The following BICD1 variants were observed in gnomAD, a reference collection of about 807,000 sequenced individuals.
BICD1 encodes the protein BICD cargo adaptor 1.
A neutral mutation model predicts 92.5 loss-of-function variants in BICD1; 35 were observed. The ratio of observed to expected loss-of-function variants is 0.38; its 90% confidence interval spans 0.29 to 0.50. The LOEUF (loss-of-function observed/expected upper bound fraction) is 0.50, where lower values mean the gene tolerates loss of function less well. Ranked by LOEUF, BICD1 falls within the 20% of genes least tolerant of loss-of-function variation. BICD1 has a pLI of 0.93. For missense variants in BICD1, 950 were observed against 1,189.8 expected, an observed-to-expected ratio of 0.80 and a Z score of 2.97; for synonymous variants, 429 against 465.1, an observed-to-expected ratio of 0.92 and a Z score of 1.00.
intron 2 of BICD1, among the ~76,000 whole-genome samples, chr12:32,225,828 A>G (rs997033869): frequency 7.3e-5 from 11 of 151,362 alleles, no homozygotes; most frequent in Non-Finnish European, 1.6e-4. Context: ...CGCCATGTTG[A>G]CCAGGCTGGT....
chr12:32,294,241 C>T, intron 3 of BICD1, 95 bp downstream of exon 3: 1 of 1,199,218 alleles, frequency 8.3e-7, no homozygotes, highest in Non-Finnish European at 1.2e-6. Context: ...TTTATTGTTA[C>T]TCTTTTATCT....
intron 2 of BICD1, among the ~76,000 whole-genome samples, chr12:32,264,578 C>T (rs1353164120): frequency 3.9e-5 from 6 of 152,104 alleles, no homozygotes. Context: ...ACCTCTGCCT[C>T]CTGGGTCCAA....
intron 1 of BICD1, among the ~76,000 whole-genome samples, chr12:32,173,015 G>A (rs775613585): frequency 7.2e-5 from 11 of 151,974 alleles, no homozygotes; most frequent in African/African-American, 1.4e-4. Flanking sequence ...TGACTGCCCC[G>A]GAGTCCCGCC....
chr12:32,223,107 T>G (rs1003580797), intron 2 of BICD1, among the ~76,000 whole-genome samples: 2 of 152,268 alleles, frequency 1.3e-5, no homozygotes, highest in Admixed American at 6.5e-5. Flanking sequence ...CACTTGCTAC[T>G]TCACCTTGCA....
chr12:32,376,773 C>G (rs1487313394), intron 9 of BICD1, among the ~76,000 whole-genome samples: 1 of 148,036 alleles, frequency 6.8e-6, no homozygotes, highest in Non-Finnish European at 1.5e-5. Flanking sequence ...GAGGCTGAGG[C>G]AGGAGAATCG....
At chr12:32,122,933 G>T (rs1211175130) in intron 1 of BICD1, among the ~76,000 whole-genome samples, 1 of 152,164 alleles carries the variant, frequency 6.6e-6, no homozygotes, top group Non-Finnish European at 1.5e-5. Context: ...ATAACTAATG[G>T]TTCATTCATT....
In BICD1 at chr12:32,383,580, G is replaced by A. The variant is rs898650258; in HGVS notation, c.*5953G>A. On this transcript the variant is annotated 3_prime_UTR_variant, in exon 10 of 10. Transcript: ENST00000652176. ...CGGTTTATGTTACCAACTGAATATGGTGTAATGCATAACTTTTTCCAGTAA... is the reference window on the plus strand; with the variant it reads ...CGGTTTATGTTACCAACTGAATATGATGTAATGCATAACTTTTTCCAGTAA... 1 of 152,070 alleles carries A rather than the reference G, an allele frequency of 6.6e-6. No individual in the cohort carries two copies. Among genetic ancestry groups the A allele is most frequent in the Non-Finnish European group, 1.5e-5 (1 of 68,008 alleles). The allele number at this position is 152,070 out of a possible 1,614,324, so 9.4% of individuals were successfully genotyped here.
Position 32,328,138 on chromosome 12 carries a change from A to C in BICD1, c.1683A>C (p.Pro561=), listed in dbSNP as rs1277989418. Residue 561 remains proline, a synonymous_variant, in exon 5 of 10, where the codon CCA becomes CCC. Transcript: ENST00000652176. This position sits in a 1 kb window ranked among gnomAD's most constrained non-coding sequence, Gnocchi z 4.4. Reference sequence around the variant, plus strand: ...ATGATCCCAGAGGACTTTTGTCCCCACGATTAGCCAGGCGGGGTGTGTCAT... The same window carrying C: ...ATGATCCCAGAGGACTTTTGTCCCCCCGATTAGCCAGGCGGGGTGTGTCAT... ...GPDDPRGLLS[P]RLARRGVSSP... is the part of the protein sequence containing the mutation. 6.2e-7 allele frequency: 1 copy of C among 1,614,162 alleles called. No homozygotes were observed. Among genetic ancestry groups the C allele is most frequent in the Admixed American group, 1.7e-5 (1 of 60,022 alleles).
chr12:32,150,023 A>G (rs4931611), intron 1 of BICD1, among the ~76,000 whole-genome samples: 126,725 of 151,766 alleles, frequency 0.84, 53,096 homozygotes, highest in Admixed American at 0.89. Flanking sequence ...CCAAAGGTAC[A>G]TCTTACATGG....
Position 32,107,300 on chromosome 12 carries a change from G to C in BICD1, c.-32G>C, listed in dbSNP as rs757500148. The C allele has an allele frequency of 2.6e-6, 4 of 1,520,934 alleles. No homozygotes were observed. Among genetic ancestry groups the C allele is most frequent in the South Asian group, 2.4e-5 (2 of 83,834 alleles). The allele number at this position is 1,520,934 out of a possible 1,614,324, so 94.2% of individuals were successfully genotyped here. On this transcript the variant is annotated 5_prime_UTR_variant, in exon 1 of 10. Coordinates refer to ENST00000652176, the MANE Select transcript of BICD1 (RefSeq NM_001714.4). ...GCTTCGCATCCATCTCCCCCACCCC[G>C]TAACCCCCTCCTGCCTCCATCCACC... is the stretch of plus-strand genomic sequence containing the variant.
In BICD1 at chr12:32,264,495, AT is replaced by A. The variant is rs553447535; in HGVS notation, c.427-29489del. Among the ~76,000 whole-genome samples, 425 of 150,890 alleles carry A rather than the reference AT, an allele frequency of 2.8e-3. 1 individual carries two copies. Among genetic ancestry groups the A allele is most frequent in the African/African-American group, 9.7e-3 (401 of 41,218 alleles). On this transcript the variant is annotated intron_variant, in intron 2 of 9. Transcript: ENST00000652176. Reference sequence around the variant, plus strand: ...AAAATGTTTTTAGAAATTAAATAGAATTTTTTTTTTAAGACAGTGTCTTGCT... The same window carrying A: ...AAAATGTTTTTAGAAATTAAATAGAATTTTTTTTTAAGACAGTGTCTTGCT...
At chr12:32,219,363 A>AGT (rs1336600463) in intron 2 of BICD1, among the ~76,000 whole-genome samples, 7 of 152,218 alleles carry the variant, frequency 4.6e-5, no homozygotes, top group Non-Finnish European at 7.3e-5. Context: ...GTTACAGGAT[A>AGT]GTATGGTGGA....
Position 32,334,670 on chromosome 12 carries a change from A to G in BICD1, c.2252+3A>G. On this transcript the variant is annotated splice_donor_region_variant and intron_variant, in intron 6 of 9. Transcript: ENST00000652176. ...CTGAGAGCAATGTTTGCAACAAGGT[A>G]ACAGTATTTTCTTCCTATGACTGGG... 1 of 1,607,806 alleles carries G rather than the reference A, an allele frequency of 6.2e-7. No homozygotes were observed. Among genetic ancestry groups the G allele is most frequent in the Non-Finnish European group, 8.5e-7 (1 of 1,177,884 alleles).
At position 32,383,277 on chromosome 12, in the gene BICD1, C is replaced by T. The variant is rs535953975; in HGVS notation, c.*5650C>T. The stretch of plus-strand genomic sequence containing the variant: ...ACCATATGAAAACACGACTAAAAGA[C>T]TGATTTAAGAAACTTGTTATTTTTA... On this transcript the variant is annotated 3_prime_UTR_variant, in exon 10 of 10. Coordinates refer to ENST00000652176, the MANE Select transcript of BICD1 (RefSeq NM_001714.4). 5 of 152,198 alleles carry T rather than the reference C, an allele frequency of 3.3e-5. 1 individual carries two copies. The highest frequency in any genetic ancestry group is 1.2e-4 in the African/African-American group (5 of 41,554). The allele number at this position is 152,198 out of a possible 1,614,324, so 9.4% of individuals were successfully genotyped here.
At chr12:32,322,654 A>T (rs1345641149) in intron 4 of BICD1, among the ~76,000 whole-genome samples, 1 of 152,118 alleles carries the variant, frequency 6.6e-6, no homozygotes, top group Non-Finnish European at 1.5e-5. Flanking sequence ...GGAAACACAC[A>T]TGCAAGAGAC....
intron 2 of BICD1, among the ~76,000 whole-genome samples, chr12:32,268,527 C>T (rs180956800): frequency 3.3e-5 from 5 of 152,266 alleles, no homozygotes; most frequent in African/African-American, 4.8e-5. Context: ...TGGGCACGGT[C>T]GCTCATGCCT....
At chr12:32,269,921 G>T (rs774554582) in intron 2 of BICD1, among the ~76,000 whole-genome samples, 47 of 151,512 alleles carry the variant, frequency 3.1e-4, no homozygotes, top group Non-Finnish European at 1.8e-4. Context: ...CATGAGTTTG[G>T]GCCCAGCCTG....
intron 8 of BICD1, among the ~76,000 whole-genome samples, chr12:32,351,487 C>CAAAAAAAAAAAAAAAAA (rs35002678): frequency 1.7e-5 from 1 of 57,226 alleles, no homozygotes; most frequent in Non-Finnish European, 3.0e-5. Flanking sequence ...GACTCTGTCT[C>CAAAAAAAAAAAAAAAAA]AAAAAAAAAA....
chr12:32,282,202 C>CTTTTTT lies in BICD1; in HGVS notation c.427-11761_427-11756dup, dbSNP rs56217529. On this transcript the variant is annotated intron_variant, in intron 2 of 9. Transcript: ENST00000652176. Reference sequence around the variant, plus strand: ...GCAAGACCCAGCTTCAGGTCTTCTTCTTTTTTTTTTTTTTTTTTTTTTTTT... The same window carrying CTTTTTT: ...GCAAGACCCAGCTTCAGGTCTTCTTCTTTTTTTTTTTTTTTTTTTTTTTTTTTTTTT... Among the ~76,000 whole-genome samples, 99 of 94,246 alleles carry CTTTTTT rather than the reference C, an allele frequency of 1.1e-3. 13 individuals carry two copies. Among genetic ancestry groups the CTTTTTT allele is most frequent in the Non-Finnish European group, 1.4e-3 (72 of 50,344 alleles). 61.8% of individuals were successfully genotyped at this position (94,246 alleles called of 152,430 possible). A position where few individuals can be genotyped will look rare whatever the true frequency, so the allele number is the denominator to read the frequency against.
Sources: allele counts gnomAD v4.1 joint callset (sites outside exome capture counted in the v4.1 genomes callset), GRCh38; gene constraint gnomAD v4.1.1; non-coding constraint Gnocchi (gnomAD v3.1); transcripts MANE v1.5; gene names NCBI Gene and HGNC (gene_info 2026-07-23, HGNC 2026-07-21).